MDGA2: variants seen among roughly 807,000 people sequenced by gnomAD.
MDGA2 encodes MAM domain containing glycosylphosphatidylinositol anchor 2.
MDGA2 carries 40 observed loss-of-function variants against 117.8 expected under a neutral mutation model. That is an observed-to-expected ratio of 0.34 (90% CI 0.26 to 0.44). MDGA2 has a LOEUF of 0.44. MDGA2 is among the 20% of genes least tolerant of loss of function. The pLI is 1.00. For missense variants in MDGA2, 1,123 were observed against 1,250.6 expected (o/e 0.90, Z 1.54); for synonymous variants, 452 against 439.0 (o/e 1.03, Z -0.37).
At chr14:47,286,837 G>GTATATA (rs1340766807) in intron 2 of MDGA2, among the ~76,000 whole-genome samples, 1 of 97,964 alleles carries the variant, frequency 1.0e-5, no homozygotes, top group African/African-American at 4.1e-5. Context: ...ATATATATAT[G>GTATATA]TATATATATA....
At chr14:47,135,768 C>T (rs151237757) in intron 4 of MDGA2, among the ~76,000 whole-genome samples, 1 of 152,082 alleles carries the variant, frequency 6.6e-6, no homozygotes, top group Non-Finnish European at 1.5e-5. Context: ...ATAAACTCTT[C>T]ATTCTCATCA....
intron 3 of MDGA2, among the ~76,000 whole-genome samples, chr14:47,173,241 G>A (rs1199959635): frequency 6.6e-6 from 1 of 152,136 alleles, no homozygotes; most frequent in African/African-American, 2.4e-5. Flanking sequence ...TATTATCCAG[G>A]AGAACTTCCC....
At chr14:47,384,127 C>A (rs1183368965) in intron 1 of MDGA2, among the ~76,000 whole-genome samples, 1 of 151,770 alleles carries the variant, frequency 6.6e-6, no homozygotes, top group African/African-American at 2.4e-5. Context: ...AAAAATATAT[C>A]CAGAGGCTTA....
At chr14:47,537,574 T>TAAAAAAAAAAAAAAAAAAAAAAA (rs58060138) in intron 1 of MDGA2, among the ~76,000 whole-genome samples, 2 of 36,610 alleles carry the variant, frequency 5.5e-5, no homozygotes, top group Non-Finnish European at 5.6e-5. Context: ...TTCTCTCTGT[T>TAAAAAAAAAAAAAAAAAAAAAAA]AAAAAAAAAA....
At chr14:46,901,624 TG>T (rs1883289759) in intron 10 of MDGA2, among the ~76,000 whole-genome samples, 1 of 152,182 alleles carries the variant, frequency 6.6e-6, no homozygotes. Context: ...GAAAATAAAA[TG>T]AGAAAAATAT....
intron 1 of MDGA2, among the ~76,000 whole-genome samples, chr14:47,430,458 T>C (rs1259291335): frequency 6.6e-6 from 1 of 152,132 alleles, no homozygotes; most frequent in Non-Finnish European, 1.5e-5. Flanking sequence ...TCTGCGTTTC[T>C]CATACTTCAT....
chr14:47,510,416 A>G (rs1480845513), intron 1 of MDGA2, among the ~76,000 whole-genome samples: 9 of 152,170 alleles, frequency 5.9e-5, no homozygotes, highest in Admixed American at 5.9e-4. Flanking sequence ...CTTGTTTAAC[A>G]TTTTCTAAAT....
chr14:47,081,814 T>C (rs1484965253), intron 6 of MDGA2, among the ~76,000 whole-genome samples: 1 of 152,178 alleles, frequency 6.6e-6, no homozygotes, highest in African/African-American at 2.4e-5. Flanking sequence ...AATTTTGTCA[T>C]CATTTTCTGA....
At chr14:46,996,781 C>T (rs1887310180) in intron 8 of MDGA2, 1 of 174,224 alleles carries the variant, frequency 5.7e-6, no homozygotes, top group African/African-American at 2.4e-5. Flanking sequence ...TGATGGCCAT[C>T]TGAGATCTTT....
intron 11 of MDGA2, among the ~76,000 whole-genome samples, chr14:46,881,610 C>A (rs1259044373): frequency 6.6e-6 from 1 of 152,198 alleles, no homozygotes; most frequent in African/African-American, 2.4e-5. Context: ...GCTCTGTATA[C>A]TTCCTGCCAA....
chr14:47,342,256 T>TTTTA (rs914147212), intron 1 of MDGA2, among the ~76,000 whole-genome samples: 1 of 134,076 alleles, frequency 7.5e-6, no homozygotes, highest in African/African-American at 2.6e-5. Context: ...CACAAAATGT[T>TTTTA]TATATATATA....
intron 3 of MDGA2, 25 bp from the exon 4 acceptor site, chr14:47,144,299 T>C: frequency 6.6e-7 from 1 of 1,522,760 alleles, no homozygotes; most frequent in Non-Finnish European, 8.9e-7. Flanking sequence ...AACAACCAAA[T>C]GGCAATGTTA....
intron 3 of MDGA2, among the ~76,000 whole-genome samples, chr14:47,166,039 T>C (rs1249722315): frequency 6.7e-6 from 1 of 149,306 alleles, no homozygotes; most frequent in Non-Finnish European, 1.5e-5. Flanking sequence ...TTTACTTTTT[T>C]TTTTTTTTTT....
chr14:47,023,157 A>G (rs1888348954), intron 8 of MDGA2, among the ~76,000 whole-genome samples: 1 of 150,654 alleles, frequency 6.6e-6, no homozygotes, highest in Non-Finnish European at 1.5e-5. Context: ...ACAGTTAGAC[A>G]AGAATTTTCC....
intron 3 of MDGA2, among the ~76,000 whole-genome samples, chr14:47,178,880 TACTGTTGTATAC>T (rs1884587264): frequency 6.6e-6 from 1 of 152,146 alleles, no homozygotes; most frequent in East Asian, 1.9e-4. Flanking sequence ...GGGAACAGTA[TACTGTTGTATAC>T]AGTATACAAG....
chr14:47,533,871 ATTG>A (rs1436116498), intron 1 of MDGA2, among the ~76,000 whole-genome samples: 1 of 152,214 alleles, frequency 6.6e-6, no homozygotes, highest in Non-Finnish European at 1.5e-5. Context: ...TAATTATTAT[ATTG>A]TTATTTGATT....
At chr14:47,506,690 T>C (rs1482183727) in intron 1 of MDGA2, among the ~76,000 whole-genome samples, 2 of 152,122 alleles carry the variant, frequency 1.3e-5, no homozygotes, top group Admixed American at 6.5e-5. Context: ...AAATATAAAA[T>C]ACACACAGGA....
chr14:47,208,684 A>C (rs755314940), intron 3 of MDGA2, among the ~76,000 whole-genome samples: 14 of 151,958 alleles, frequency 9.2e-5, no homozygotes, highest in Non-Finnish European at 1.8e-4. Flanking sequence ...ACTCAGCAGG[A>C]GCATCTGCCT....
At position 46,882,269 on chromosome 14, in the gene MDGA2, A is replaced by C. The variant is rs373257508; in HGVS notation, c.2239-48T>G. The C allele has an allele frequency of 7.8e-5, 115 of 1,482,472 alleles. No homozygotes were observed. The African/African-American group carries it at 1.4e-3, about 18-fold the overall frequency. The allele number at this position is 1,482,472 out of a possible 1,614,324, so 91.8% of individuals were successfully genotyped here. On this transcript the variant is annotated intron_variant, in intron 10 of 16. Transcript: ENST00000399232. ...ATAATGTTCCCAGTATGTTCTTCAG[A>C]GGTACTAAGAAAATTGAAAACAAAT...
Sources: gnomAD v4.1 joint callset for allele counts (sites outside exome capture counted in the v4.1 genomes callset) on GRCh38, gnomAD v4.1.1 for gene constraint, MANE v1.5 for transcripts, NCBI Gene and HGNC (gene_info 2026-07-23, HGNC 2026-07-21) for gene names.